Variants in GPC6 observed in about 807,000 individuals in gnomAD.
GPC6 encodes the protein glypican-6.
A neutral mutation model predicts 55.2 loss-of-function variants in GPC6; 14 were observed. The observed-to-expected ratio is 0.25, with a 90% CI of 0.17 to 0.40. The LOEUF is 0.40. Ranked by LOEUF, GPC6 falls within the 10% of genes least tolerant of loss-of-function variation. The pLI is 1.00. For missense variants in GPC6, 641 were observed against 708.5 expected, an observed-to-expected ratio of 0.90 and a Z score of 1.08; for synonymous variants, 278 against 259.6, an observed-to-expected ratio of 1.07 and a Z score of -0.68.
chr13:94,317,069 G>A (rs557401490), intron 6 of GPC6, among the ~76,000 whole-genome samples: 1 of 152,298 alleles, frequency 6.6e-6, no homozygotes, highest in Admixed American at 6.5e-5. Context: ...AGGTTAATCA[G>A]GGAAATTGCA....
At chr13:93,713,288 T>G (rs1883136678) in intron 2 of GPC6, among the ~76,000 whole-genome samples, 1 of 151,054 alleles carries the variant, frequency 6.6e-6, no homozygotes, top group South Asian at 2.1e-4. Context: ...CCTAAAGAAG[T>G]AGAAAGGAGA....
chr13:93,395,275 A>G (rs189137677), intron 1 of GPC6: 6 of 490,100 alleles, frequency 1.2e-5, no homozygotes, highest in African/African-American at 3.9e-5. Context: ...TTCCAGAACC[A>G]CTTTGACCTC....
intron 1 of GPC6, among the ~76,000 whole-genome samples, chr13:93,387,647 T>C (rs1310177077): frequency 6.6e-6 from 1 of 152,220 alleles, no homozygotes; most frequent in Non-Finnish European, 1.5e-5. Flanking sequence ...AAGATCAAAT[T>C]ACCAAACGAT....
At chr13:93,648,234 A>G (rs2139595445) in intron 2 of GPC6, among the ~76,000 whole-genome samples, 1 of 152,298 alleles carries the variant, frequency 6.6e-6, no homozygotes, top group Admixed American at 6.5e-5. Flanking sequence ...CTACAGCCCC[A>G]TCTGCTAAGA....
intron 1 of GPC6, among the ~76,000 whole-genome samples, chr13:93,388,037 A>G (rs1422494801): frequency 6.6e-6 from 1 of 152,166 alleles, no homozygotes; most frequent in Non-Finnish European, 1.5e-5. Context: ...AATTCCATCC[A>G]TTATACTCTG....
chr13:93,946,003 A>C (rs1251208452), intron 3 of GPC6, among the ~76,000 whole-genome samples: 7 of 152,192 alleles, frequency 4.6e-5, no homozygotes, highest in Non-Finnish European at 1.0e-4. Flanking sequence ...CTACACATTA[A>C]AGTGAATCTG....
At chr13:93,623,205 GT>G (rs1879032261) in intron 2 of GPC6, among the ~76,000 whole-genome samples, 1 of 151,916 alleles carries the variant, frequency 6.6e-6, no homozygotes, top group Non-Finnish European at 1.5e-5. Flanking sequence ...ATTGTGAATA[GT>G]GCTGAAAAAA....
intron 3 of GPC6, among the ~76,000 whole-genome samples, chr13:93,952,307 A>C (rs1280211197): frequency 6.6e-6 from 1 of 152,158 alleles, no homozygotes; most frequent in African/African-American, 2.4e-5. Flanking sequence ...AAAAATCTCA[A>C]AAATGAATCT....
chr13:94,151,861 A>T (rs1293821288), intron 4 of GPC6, among the ~76,000 whole-genome samples: 1 of 152,206 alleles, frequency 6.6e-6, no homozygotes, highest in Non-Finnish European at 1.5e-5. Context: ...AGTAACATAA[A>T]GTCTAGTGGA....
At chr13:93,447,997 A>T (rs1268007703) in intron 1 of GPC6, among the ~76,000 whole-genome samples, 1 of 152,108 alleles carries the variant, frequency 6.6e-6, no homozygotes, top group African/African-American at 2.4e-5. Context: ...TTTCCCTTTA[A>T]TCTTGTACAT....
At chr13:93,448,487 G>C (rs550152607) in intron 1 of GPC6, among the ~76,000 whole-genome samples, 10 of 152,096 alleles carry the variant, frequency 6.6e-5, no homozygotes, top group African/African-American at 1.4e-4. Flanking sequence ...TGAATTTTGA[G>C]CTTCTTAGAA....
At chr13:93,446,941 T>C (rs186964252) in intron 1 of GPC6, among the ~76,000 whole-genome samples, 1 of 151,856 alleles carries the variant, frequency 6.6e-6, no homozygotes, top group East Asian at 1.9e-4. Context: ...AGCAGAAATA[T>C]AAAGTATTTT....
chr13:94,285,379 C>A (rs1892500875), intron 4 of GPC6, among the ~76,000 whole-genome samples: 1 of 152,118 alleles, frequency 6.6e-6, no homozygotes, highest in East Asian at 1.9e-4. Context: ...AGCCTAGTAC[C>A]ATGGTCAGAG....
At chr13:93,298,438 T>C (rs1284771517) in intron 1 of GPC6, among the ~76,000 whole-genome samples, 2 of 152,042 alleles carry the variant, frequency 1.3e-5, no homozygotes, top group Non-Finnish European at 2.9e-5. Flanking sequence ...GGTTTCTGTT[T>C]GTTTTTGTGT....
At position 94,282,035 on chromosome 13, in the gene GPC6, A is replaced by T. The variant is rs991647624; in HGVS notation, c.878-4314A>T. 8.5e-5 allele frequency among the ~76,000 whole-genome samples: 13 copies of T among 152,220 alleles called. No individual in the cohort carries two copies. The South Asian group carries it at 2.7e-3, about 32-fold the overall frequency. ...TCAAACAAAAAGGGGAAATTATCTG[A>T]GTAGTTTATAAATATTGTCATTTGG... On this transcript the variant is annotated intron_variant, in intron 4 of 8. Coordinates refer to ENST00000377047, the MANE Select transcript of GPC6 (RefSeq NM_005708.5).
At chr13:93,672,110 G>A (rs1195104964) in intron 2 of GPC6, among the ~76,000 whole-genome samples, 1 of 148,978 alleles carries the variant, frequency 6.7e-6, no homozygotes, top group African/African-American at 2.5e-5. Flanking sequence ...AAGGGTCCAA[G>A]ACTATTTTTG....
intron 2 of GPC6, among the ~76,000 whole-genome samples, chr13:93,809,466 T>C (rs1360077750): frequency 6.6e-6 from 1 of 152,202 alleles, no homozygotes; most frequent in Non-Finnish European, 1.5e-5. Context: ...GGGTATAATT[T>C]AAAATACAGT....
In GPC6 at chr13:93,632,715, C is replaced by T. The variant is rs115265242; in HGVS notation, c.319+87294C>T. Reference sequence around the variant, plus strand: ...GCACATATATGTAAATTATGTACAACGATAGACACAAAACCACTACACCCT... The same window carrying T: ...GCACATATATGTAAATTATGTACAATGATAGACACAAAACCACTACACCCT... On this transcript the variant is annotated intron_variant, in intron 2 of 8. Transcript: ENST00000377047. 1.5e-3 allele frequency among the ~76,000 whole-genome samples: 223 copies of T among 151,060 alleles called. 1 individual carries two copies. Among genetic ancestry groups the T allele is most frequent in the African/African-American group, 5.0e-3 (205 of 41,288 alleles).
intron 1 of GPC6, among the ~76,000 whole-genome samples, chr13:93,458,799 G>A (rs1878569040): frequency 6.6e-6 from 1 of 151,962 alleles, no homozygotes; most frequent in African/African-American, 2.4e-5. Context: ...CTTATTTTCT[G>A]AAAACAATAT....
Sources: allele counts gnomAD v4.1 joint callset (sites outside exome capture counted in the v4.1 genomes callset), GRCh38; gene constraint gnomAD v4.1.1; transcripts MANE v1.5; gene names NCBI Gene and HGNC (gene_info 2026-07-23, HGNC 2026-07-21).